Variants in ZNF83 observed in about 807,000 individuals in gnomAD.
The protein encoded by ZNF83 is zinc finger protein 83.
For missense variants in ZNF83, 552 were observed against 629.9 expected, an observed-to-expected ratio of 0.88 and a Z score of 1.32; for synonymous variants, 209 against 213.0, an observed-to-expected ratio of 0.98 and a Z score of 0.17.
At chr19:52,616,768 GGGAGGC>G (rs2060321489) in intron 2 of ZNF83, 1 of 152,176 alleles carries the variant, frequency 6.6e-6, no homozygotes, top group African/African-American at 2.4e-5. Flanking sequence ...GCTTGAACCC[GGGAGGC>G]GGAGGTGGTG....
Position 52,687,616 on chromosome 19 carries a change from G to GTGTATATATA in ZNF83, c.-283+2826_-283+2827insTATATATACA, listed in dbSNP as rs1555792735. Among the ~76,000 whole-genome samples, 5 of 15,822 alleles carry GTGTATATATA rather than the reference G, an allele frequency of 3.2e-4. 2 individuals carry two copies. Among genetic ancestry groups the GTGTATATATA allele is most frequent in the African/African-American group, 2.3e-3 (5 of 2,192 alleles). 10.4% of individuals were successfully genotyped at this position (15,822 alleles called of 152,430 possible). A position where few individuals can be genotyped will look rare whatever the true frequency, so the allele number is the denominator to read the frequency against. The stretch of plus-strand genomic sequence containing the variant: ...TATATAATGTATATATATATAATGT[G>GTGTATATATA]TATATATATATATAATGTATATATA... On this transcript the variant is annotated intron_variant, in intron 1 of 5. Coordinates refer to the ZNF83 transcript ENST00000594682.
chr19:52,671,975 G>A (rs1451781142), intron 1 of ZNF83, among the ~76,000 whole-genome samples: 6 of 152,154 alleles, frequency 3.9e-5, no homozygotes, highest in African/African-American at 1.4e-4. Context: ...ACTCACACCT[G>A]TAATCCCAGC....
chr19:52,629,513 A>ATT (rs2060871116), intron 2 of ZNF83, among the ~76,000 whole-genome samples: 3 of 152,044 alleles, frequency 2.0e-5, no homozygotes, highest in Non-Finnish European at 4.4e-5. Flanking sequence ...TCCACCCTGT[A>ATT]ATCTTTTTAT....
At chr19:52,665,843 A>G (rs757868466) in intron 1 of ZNF83, among the ~76,000 whole-genome samples, 1 of 151,974 alleles carries the variant, frequency 6.6e-6, no homozygotes, top group Non-Finnish European at 1.5e-5. Flanking sequence ...TGCTCCATCT[A>G]TGAGGACGCA....
chr19:52,653,484 T>A (rs1218632027), intron 3 of ZNF83, among the ~76,000 whole-genome samples: 1 of 151,996 alleles, frequency 6.6e-6, no homozygotes, highest in African/African-American at 2.4e-5. Context: ...TACATTTGTA[T>A]GGTTTCTCTC....
chr19:52,619,146 G>T, intron 2 of ZNF83: 1 of 1,611,502 alleles, frequency 6.2e-7, no homozygotes, highest in East Asian at 2.2e-5. Context: ...TGACAACAAG[G>T]ATTTAATTGT....
At chr19:52,630,268 C>T (rs1416715739) in intron 2 of ZNF83, among the ~76,000 whole-genome samples, 1 of 152,196 alleles carries the variant, frequency 6.6e-6, no homozygotes, top group Non-Finnish European at 1.5e-5. Flanking sequence ...CCGATCGCCT[C>T]GGAAGCCTAC....
chr19:52,654,415 A>G (rs1036759722), intron 3 of ZNF83: 3 of 1,047,892 alleles, frequency 2.9e-6, no homozygotes, highest in Non-Finnish European at 2.7e-6. Context: ...TAAAAAATAT[A>G]AAGACCAATA....
chr19:52,621,208 C>G (rs2060530127), intron 2 of ZNF83, among the ~76,000 whole-genome samples: 2 of 152,186 alleles, frequency 1.3e-5, no homozygotes, highest in South Asian at 4.1e-4. Flanking sequence ...GGTCCTCAGA[C>G]CAACCAGCCC....
At chr19:52,648,018 T>C (rs2061395687) in intron 3 of ZNF83, among the ~76,000 whole-genome samples, 1 of 151,874 alleles carries the variant, frequency 6.6e-6, no homozygotes, top group African/African-American at 2.4e-5. Flanking sequence ...TGGCTGCAAA[T>C]CCCTCCTCCT....
At chr19:52,646,657 T>C (rs927582163) in intron 3 of ZNF83, among the ~76,000 whole-genome samples, 1 of 152,148 alleles carries the variant, frequency 6.6e-6, no homozygotes, top group South Asian at 2.1e-4. Flanking sequence ...GATAGTAACA[T>C]GAAAGGCCAT....
chr19:52,625,671 T>C (rs2060711278), intron 2 of ZNF83, among the ~76,000 whole-genome samples: 1 of 152,204 alleles, frequency 6.6e-6, no homozygotes, highest in Admixed American at 6.5e-5. Flanking sequence ...ATTTACCCTG[T>C]ATTTCACTCC....
chr19:52,644,666 A>T (rs111913884), intron 3 of ZNF83, among the ~76,000 whole-genome samples: 15 of 152,278 alleles, frequency 9.9e-5, no homozygotes, highest in African/African-American at 2.9e-4. Flanking sequence ...GACCTTGAAA[A>T]CAGTGAAAGA....
Position 52,644,085 on chromosome 19 carries a change from C to A in ZNF83, c.-73-8932G>T, listed in dbSNP as rs1445739414. 2.0e-5 allele frequency among the ~76,000 whole-genome samples: 3 copies of A among 152,016 alleles called. No homozygotes were observed. In the East Asian group the frequency reaches 5.8e-4, roughly 29 times the overall value. On this transcript the variant is annotated intron_variant, in intron 3 of 5. Transcript: ENST00000594682. ...GGTTCCCTGCCAGGGACTGACATGA[C>A]CTGCTTTAGATTTCGCTGTGATGTC...
At chr19:52,642,217 G>A (rs1418384461), upstream of ZNF83, among the ~76,000 whole-genome samples, 1 of 145,312 alleles carries the variant, frequency 6.9e-6, no homozygotes, top group African/African-American at 2.5e-5. Flanking sequence ...ACTATTTTAG[G>A]GTGAAGAGCT....
chr19:52,641,404 A>G (rs897543262), upstream of ZNF83, among the ~76,000 whole-genome samples: 1 of 152,240 alleles, frequency 6.6e-6, no homozygotes, highest in Non-Finnish European at 1.5e-5. Flanking sequence ...GCAGCTTTAA[A>G]TTGGCTAAAA....
intron 2 of ZNF83, among the ~76,000 whole-genome samples, chr19:52,622,087 A>G (rs531123895): frequency 2.0e-5 from 3 of 151,440 alleles, no homozygotes; most frequent in African/African-American, 7.3e-5. Context: ...TCAAGTCCCA[A>G]TTCTTCCTCA....
intron 3 of ZNF83, chr19:52,651,265 G>GC (rs1426597543): frequency 6.6e-6 from 1 of 152,228 alleles, no homozygotes; most frequent in Non-Finnish European, 1.5e-5. Context: ...ATGTCCTTTA[G>GC]CTGAAGATAG....
At chr19:52,634,234 T>C (rs1432694696) in intron 2 of ZNF83, among the ~76,000 whole-genome samples, 1 of 144,820 alleles carries the variant, frequency 6.9e-6, no homozygotes, top group Non-Finnish European at 1.5e-5. Flanking sequence ...ATCAGGCCGT[T>C]GCACTCCAGC....
Sources: allele counts gnomAD v4.1 joint callset (sites outside exome capture counted in the v4.1 genomes callset), GRCh38; gene constraint gnomAD v4.1.1; transcripts MANE v1.5; gene names NCBI Gene and HGNC (gene_info 2026-07-23, HGNC 2026-07-21).